HCFC2: variants seen among roughly 807,000 people sequenced by gnomAD.
HCFC2 encodes the protein host cell factor 2.
A neutral mutation model predicts 89.2 loss-of-function variants in HCFC2; 18 were observed. The ratio of observed to expected loss-of-function variants is 0.20; its 90% CI spans 0.14 to 0.30. The LOEUF is 0.30. Among genes scored for constraint, HCFC2 ranks in the 10% least tolerant of loss-of-function variants. The pLI is 1.00. For missense variants in HCFC2, 578 were observed against 956.1 expected, an observed-to-expected ratio of 0.60 and a Z score of 5.21; for synonymous variants, 308 against 335.7, an observed-to-expected ratio of 0.92 and a Z score of 0.90.
intron 10 of HCFC2, among the ~76,000 whole-genome samples, chr12:104,094,436 A>T (rs992064993): frequency 2.0e-5 from 3 of 152,124 alleles, no homozygotes; most frequent in African/African-American, 7.2e-5. Flanking sequence ...GTGAGGCATG[A>T]TCTATGCCTG....
At position 104,068,041 on chromosome 12, in the gene HCFC2, G is replaced by T; in HGVS notation, c.407G>T (p.Gly136Val). 1.9e-6 allele frequency: 3 copies of T among 1,602,438 alleles called. No homozygotes were observed. The highest frequency in any genetic ancestry group is 2.6e-6 in the Non-Finnish European group (3 of 1,175,226). The change falls in exon 3 of 15, where the codon GGT becomes GTT. Residue 136 changes from glycine to valine, a missense_variant. Gly to Val is a moderately radical substitution (Grantham distance 109). This residue lies in a region of HCFC2 where 206 missense variants were observed against 419.2 expected (regional missense o/e 0.49). Transcript: ENST00000229330. The surrounding 1 kb of genome is among the most constrained non-coding windows in gnomAD (Gnocchi z 4.1). ...CTTGGACATAGCTTCTCTTTATATG[G>T]TAACAAATGCTATTTGTTTGGTGGC... ...PRLGHSFSLY[G>V]NKCYLFGGLA... is the part of the protein sequence containing the mutation.
intron 7 of HCFC2, among the ~76,000 whole-genome samples, chr12:104,083,927 G>C (rs1260069303): frequency 6.6e-6 from 1 of 152,096 alleles, no homozygotes; most frequent in Non-Finnish European, 1.5e-5. Context: ...GGGAGGCTGA[G>C]GCAAGAGGTT....
At chr12:104,094,446 G>C (rs1251860521) in intron 10 of HCFC2, among the ~76,000 whole-genome samples, 1 of 152,080 alleles carries the variant, frequency 6.6e-6, no homozygotes, top group East Asian at 1.9e-4. Flanking sequence ...ATCTATGCCT[G>C]CCTTATTTCA....
chr12:104,101,826 G>A, intron 13 of HCFC2, 142 bp from the exon 14 acceptor site: 2 of 486,126 alleles, frequency 4.1e-6, no homozygotes, highest in Non-Finnish European at 6.9e-6. Flanking sequence ...ATGTGAGAGA[G>A]AGGGAGATAA....
chr12:104,074,718 T>C (rs775757523), intron 3 of HCFC2, among the ~76,000 whole-genome samples: 8 of 152,308 alleles, frequency 5.3e-5, no homozygotes, highest in Non-Finnish European at 8.8e-5. Flanking sequence ...TTATAATACC[T>C]ATATTTATTA....
intron 3 of HCFC2, among the ~76,000 whole-genome samples, chr12:104,071,927 T>A (rs1183432078): frequency 6.6e-6 from 1 of 152,266 alleles, no homozygotes; most frequent in Non-Finnish European, 1.5e-5. Flanking sequence ...TGGACATCTT[T>A]TCATGGGCTT....
chr12:104,081,225 T>C (rs1185979475), intron 5 of HCFC2, among the ~76,000 whole-genome samples: 2 of 152,218 alleles, frequency 1.3e-5, no homozygotes, highest in Non-Finnish European at 2.9e-5. Context: ...ATACAAACTC[T>C]GTGACCAGAT....
At chr12:104,100,179 TA>T (rs1231837180) in intron 13 of HCFC2, among the ~76,000 whole-genome samples, 1 of 152,116 alleles carries the variant, frequency 6.6e-6, no homozygotes, top group Non-Finnish European at 1.5e-5. Flanking sequence ...TGAAACCCCT[TA>T]AAGAGGACCT....
At chr12:104,071,444 T>C (rs1318997744) in intron 3 of HCFC2, among the ~76,000 whole-genome samples, 1 of 152,274 alleles carries the variant, frequency 6.6e-6, no homozygotes, top group African/African-American at 2.4e-5. Context: ...CACACATTCA[T>C]TTCTGGTCAC....
At chr12:104,101,478 G>A (rs1593614125) in intron 13 of HCFC2, among the ~76,000 whole-genome samples, 1 of 148,132 alleles carries the variant, frequency 6.8e-6, no homozygotes, top group Non-Finnish European at 1.5e-5. Context: ...GTGAGACTCC[G>A]TCTCCAAAAA....
chr12:104,098,816 C>T (rs1347456944), intron 13 of HCFC2, among the ~76,000 whole-genome samples: 3 of 152,100 alleles, frequency 2.0e-5, no homozygotes, highest in Admixed American at 6.6e-5. Flanking sequence ...CTGGCTAACA[C>T]GGTGAAACCC....
chr12:104,101,658 A>C (rs1006820165), intron 13 of HCFC2, among the ~76,000 whole-genome samples: 3 of 152,104 alleles, frequency 2.0e-5, no homozygotes, highest in Non-Finnish European at 2.9e-5. Context: ...TGTTTATGGC[A>C]GTTGTCAGCT....
intron 2 of HCFC2, among the ~76,000 whole-genome samples, chr12:104,066,951 C>A (rs540620086): frequency 6.6e-6 from 1 of 152,318 alleles, no homozygotes; most frequent in East Asian, 1.9e-4. Context: ...CCATGCCCAG[C>A]TAATTTTTGT....
chr12:104,093,858 T>G (rs1884101324), intron 10 of HCFC2, among the ~76,000 whole-genome samples: 1 of 152,086 alleles, frequency 6.6e-6, no homozygotes, highest in Non-Finnish European at 1.5e-5. Context: ...AGGGATTCTT[T>G]TAGGACTCCA....
chr12:104,100,797 C>T (rs2029915595), intron 13 of HCFC2, among the ~76,000 whole-genome samples: 1 of 151,964 alleles, frequency 6.6e-6, no homozygotes, highest in Non-Finnish European at 1.5e-5. Flanking sequence ...GTATTATGCC[C>T]AGTGAAATTT....
chr12:104,077,504 A>G (rs1445602826), intron 3 of HCFC2, among the ~76,000 whole-genome samples: 1 of 149,742 alleles, frequency 6.7e-6, no homozygotes, highest in Non-Finnish European at 1.5e-5. Context: ...TCGGCCTCCC[A>G]AACTGCTGAG....
In HCFC2 at chr12:104,067,079, G is replaced by A. The variant is rs957192408; in HGVS notation, c.312+764G>A. On this transcript the variant is annotated intron_variant, in intron 2 of 14. Transcript: ENST00000229330. The stretch of plus-strand genomic sequence containing the variant: ...CTGGGATTAGCCGACGTGAGCCACC[G>A]TGCTGTGCCGCAAATTCTTAAGTAT... Among the ~76,000 whole-genome samples the A allele has an allele frequency of 7.2e-5, 11 of 152,056 alleles. No individual in the cohort carries two copies. The East Asian group carries it at 1.7e-3, about 24-fold the overall frequency.
rs1163337568 is a variant in HCFC2, at chr12:104,068,753, A to G, written c.473+646A>G. Among the ~76,000 whole-genome samples the G allele has an allele frequency of 6.6e-6, 1 of 152,190 alleles. No individual in the cohort carries two copies. Among genetic ancestry groups the G allele is most frequent in the African/African-American group, 2.4e-5 (1 of 41,448 alleles). On this transcript the variant is annotated intron_variant, in intron 3 of 14. Coordinates refer to ENST00000229330, the MANE Select transcript of HCFC2 (RefSeq NM_013320.3). This position sits in a 1 kb window ranked among gnomAD's most constrained non-coding sequence, Gnocchi z 4.1. ...GGTGTAGTTTGCTGGCACAGATTGT[A>G]AATAATGGGGCTATCTACATTGTTG...
intron 3 of HCFC2, among the ~76,000 whole-genome samples, chr12:104,077,550 G>GTTT (rs202233502): frequency 0.09 from 11,977 of 133,298 alleles, 739 homozygotes; most frequent in Admixed American, 0.17. Flanking sequence ...CCCCTGGCCT[G>GTTT]TTTTTTTTTT....
Sources: allele counts gnomAD v4.1 joint callset (sites outside exome capture counted in the v4.1 genomes callset), GRCh38; gene constraint gnomAD v4.1.1; regional missense constraint gnomAD v4.1.1; non-coding constraint Gnocchi (gnomAD v3.1); transcripts MANE v1.5; gene names NCBI Gene and HGNC (gene_info 2026-07-23, HGNC 2026-07-21).